The following NAALADL2 variants were observed in gnomAD, a reference collection of about 807,000 sequenced individuals.
NAALADL2 encodes the protein inactive N-acetylated-alpha-linked acidic dipeptidase-like protein 2.
Under a neutral mutation model 87.2 loss-of-function variants are expected in NAALADL2, and 76 were observed. The ratio of observed to expected loss-of-function variants is 0.87; its 90% CI spans 0.72 to 1.05. NAALADL2 has a LOEUF of 1.05. NAALADL2 is among the 50% of genes least tolerant of loss of function. The pLI is 0.00. For missense variants in NAALADL2, 1,089 were observed against 945.8 expected (o/e 1.15, Z -1.99); for synonymous variants, 354 against 331.0 (o/e 1.07, Z -0.75).
rs576589989 is a variant in NAALADL2, at chr3:175,500,591, G to A, written c.1653+28833G>A. On this transcript the variant is annotated intron_variant, in intron 9 of 13. Transcript: ENST00000454872. ...AAACAAGGTAAAATAAAAGCCCTGT[G>A]CTCTAGCATTTTACTTTCCATAACT... 5.3e-5 allele frequency among the ~76,000 whole-genome samples: 8 copies of A among 152,044 alleles called. No individual in the cohort carries two copies. In the South Asian group the frequency reaches 1.2e-3, roughly 24 times the overall value.
At chr3:174,716,713 T>C (rs928795129) in intron 2 of NAALADL2, among the ~76,000 whole-genome samples, 6 of 152,030 alleles carry the variant, frequency 3.9e-5, no homozygotes, top group Admixed American at 3.9e-4. Context: ...GACATGTGTG[T>C]ATATACATAT....
chr3:175,279,963 T>G (rs549407016), intron 4 of NAALADL2, among the ~76,000 whole-genome samples: 1 of 151,972 alleles, frequency 6.6e-6, no homozygotes, highest in Non-Finnish European at 1.5e-5. Context: ...ATTGTGTGAA[T>G]AGGATTTTCT....
chr3:175,459,174 A>C (rs994945433), intron 6 of NAALADL2, among the ~76,000 whole-genome samples: 12 of 152,180 alleles, frequency 7.9e-5, no homozygotes, highest in Non-Finnish European at 1.5e-4. Flanking sequence ...AACACATGGT[A>C]TAAGAACTTA....
Position 175,132,927 on chromosome 3 carries a change from A to T in NAALADL2, c.545+35636A>T, listed in dbSNP as rs575230689. Among the ~76,000 whole-genome samples, 9 of 150,326 alleles carry T rather than the reference A, an allele frequency of 6.0e-5. No homozygotes were observed. The South Asian group carries it at 1.9e-3, about 32-fold the overall frequency. ...GGCGGAGGGACTCCTCACTTCTCAG[A>T]CGGGGCGGTTGCCAGACAGAGGGTC... On this transcript the variant is annotated intron_variant, in intron 2 of 13. Coordinates refer to ENST00000454872, the MANE Select transcript of NAALADL2 (RefSeq NM_207015.3).
chr3:175,728,041 G>A (rs896366879), intron 11 of NAALADL2, among the ~76,000 whole-genome samples: 3 of 152,014 alleles, frequency 2.0e-5, no homozygotes, highest in East Asian at 1.9e-4. Flanking sequence ...ATAAGTTCTC[G>A]CTTTACTAAG....
chr3:174,860,877 T>C (rs541934784), intron 1 of NAALADL2, among the ~76,000 whole-genome samples: 43 of 152,196 alleles, frequency 2.8e-4, no homozygotes, highest in Non-Finnish European at 4.6e-4. Context: ...AATACATATG[T>C]TTCACTGTGT....
intron 5 of NAALADL2, among the ~76,000 whole-genome samples, chr3:175,418,941 T>C (rs1381297895): frequency 6.6e-6 from 1 of 151,992 alleles, no homozygotes; most frequent in East Asian, 1.9e-4. Flanking sequence ...AGCTTGTCTG[T>C]TGCAGTTCAC....
At chr3:175,057,856 A>G (rs182325947) in intron 1 of NAALADL2, among the ~76,000 whole-genome samples, 2 of 152,336 alleles carry the variant, frequency 1.3e-5, no homozygotes, top group Admixed American at 1.3e-4. Flanking sequence ...AGCTGTCACT[A>G]CTACATTGTT....
At chr3:174,526,099 T>A (rs1040289263) in intron 1 of NAALADL2, among the ~76,000 whole-genome samples, 1 of 152,262 alleles carries the variant, frequency 6.6e-6, no homozygotes, top group African/African-American at 2.4e-5. Context: ...TGTTGAATAA[T>A]GACTTTTGGG....
chr3:175,214,472 A>C (rs1160610983), intron 2 of NAALADL2, among the ~76,000 whole-genome samples: 1 of 152,184 alleles, frequency 6.6e-6, no homozygotes, highest in Non-Finnish European at 1.5e-5. Context: ...GTTTTGTACA[A>C]ATGTCAGTTA....
chr3:175,126,710 C>A (rs1727019826), intron 2 of NAALADL2, among the ~76,000 whole-genome samples: 1 of 151,994 alleles, frequency 6.6e-6, no homozygotes, highest in Admixed American at 6.6e-5. Flanking sequence ...GTATTTAATA[C>A]ACAAATTAAC....
At chr3:175,119,250 AT>A (rs1379845862) in intron 2 of NAALADL2, among the ~76,000 whole-genome samples, 1 of 151,748 alleles carries the variant, frequency 6.6e-6, no homozygotes, top group African/African-American at 2.4e-5. Flanking sequence ...AAAGTGCCAT[AT>A]AACCAAACAG....
In NAALADL2 at chr3:175,110,291, A is replaced by G. The variant is rs76521507; in HGVS notation, c.545+13000A>G. On this transcript the variant is annotated intron_variant, in intron 2 of 13. Transcript: ENST00000454872. ...TTAAATTAGTTGAACTTTGCTAATT[A>G]TATACAATTATGATATGATGACCAG... Among the ~76,000 whole-genome samples the G allele has an allele frequency of 5.8e-3, 875 of 151,978 alleles. 9 individuals are homozygous for G. The highest frequency in any genetic ancestry group is 0.02 in the African/African-American group (832 of 41,514).
At chr3:175,670,949 A>G (rs562395439) in intron 11 of NAALADL2, among the ~76,000 whole-genome samples, 10 of 151,710 alleles carry the variant, frequency 6.6e-5, no homozygotes, top group African/African-American at 2.4e-4. Context: ...ACATACGTAA[A>G]TTACCTTATT....
intron 11 of NAALADL2, among the ~76,000 whole-genome samples, chr3:175,699,605 G>T (rs1738692982): frequency 6.6e-6 from 1 of 152,076 alleles, no homozygotes; most frequent in South Asian, 2.1e-4. Flanking sequence ...CTCAACTTAG[G>T]TCTATCACAG....
chr3:174,795,234 T>G (rs1342696334), intron 3 of NAALADL2, among the ~76,000 whole-genome samples: 1 of 151,516 alleles, frequency 6.6e-6, no homozygotes, highest in African/African-American at 2.4e-5. Flanking sequence ...TGACCTCAGG[T>G]GATTTACCAG....
chr3:175,783,611 T>A (rs532967250), intron 13 of NAALADL2, among the ~76,000 whole-genome samples: 35 of 152,118 alleles, frequency 2.3e-4, no homozygotes, highest in African/African-American at 5.6e-4. Flanking sequence ...GGCTGAGACA[T>A]TGGGGTTTTC....
chr3:174,854,411 G>T (rs1274091463), upstream of NAALADL2, among the ~76,000 whole-genome samples: 1 of 152,126 alleles, frequency 6.6e-6, no homozygotes, highest in African/African-American at 2.4e-5. Context: ...GGATAAACGG[G>T]ATGGTTAATG....
At chr3:175,731,117 A>T (rs907024603) in intron 11 of NAALADL2, among the ~76,000 whole-genome samples, 1 of 152,138 alleles carries the variant, frequency 6.6e-6, no homozygotes, top group African/African-American at 2.4e-5. Flanking sequence ...CAACTGAGAG[A>T]TTTTTTTCTA....
Sources: allele counts gnomAD v4.1 joint callset (sites outside exome capture counted in the v4.1 genomes callset), GRCh38; gene constraint gnomAD v4.1.1; transcripts MANE v1.5; gene names NCBI Gene and HGNC (gene_info 2026-07-23, HGNC 2026-07-21).